DPP10: variants seen among roughly 807,000 people sequenced by gnomAD.
DPP10 encodes the protein inactive dipeptidyl peptidase 10.
DPP10 carries 33 observed loss-of-function variants against 120.9 expected under a neutral mutation model. That is an observed-to-expected ratio of 0.27 (90% confidence interval 0.21 to 0.37). The LOEUF (loss-of-function observed/expected upper bound fraction) is 0.37, where lower values mean the gene tolerates loss of function less well. Ranked by LOEUF, DPP10 falls within the 10% of genes least tolerant of loss-of-function variation. The pLI is 1.00. For synonymous variants in DPP10, 337 were observed against 326.1 expected, an observed-to-expected ratio of 1.03 and a Z score of -0.36; for missense variants, 816 against 942.8, an observed-to-expected ratio of 0.87 and a Z score of 1.76.
chr2:114,455,733 T>TTTA (rs1558773570), intron 1 of DPP10, among the ~76,000 whole-genome samples: 3 of 149,040 alleles, frequency 2.0e-5, no homozygotes, highest in African/African-American at 7.6e-5. Flanking sequence ...TCATTTGTTT[T>TTTA]TTTTTTTTTT....
intron 1 of DPP10, among the ~76,000 whole-genome samples, chr2:114,541,950 G>A (rs555118115): frequency 4.7e-4 from 72 of 151,594 alleles, no homozygotes; most frequent in Middle Eastern, 3.5e-3. Flanking sequence ...AAAAATGTAA[G>A]TGTAAAATAA....
intron 1 of DPP10, among the ~76,000 whole-genome samples, chr2:114,998,643 G>A (rs1701246864): frequency 1.3e-5 from 2 of 152,222 alleles, no homozygotes; most frequent in Non-Finnish European, 2.9e-5. Flanking sequence ...TACTCTAACT[G>A]AGTAATTTGG....
At chr2:114,462,036 A>G in intron 1 of DPP10, 1 of 985,382 alleles carries the variant, frequency 1.0e-6, no homozygotes. Context: ...CGCAGTTGAG[A>G]GAAAACTGGA....
At chr2:114,590,398 G>A (rs556642237) in intron 1 of DPP10, among the ~76,000 whole-genome samples, 1 of 152,238 alleles carries the variant, frequency 6.6e-6, no homozygotes, top group East Asian at 1.9e-4. Flanking sequence ...AATGACATGA[G>A]CAATTGCTTT....
intron 2 of DPP10, among the ~76,000 whole-genome samples, chr2:115,341,191 C>T (rs1352945168): frequency 6.6e-6 from 1 of 151,982 alleles, no homozygotes; most frequent in Non-Finnish European, 1.5e-5. Context: ...AATGTTCTTC[C>T]TCCTTCTCCT....
intron 1 of DPP10, among the ~76,000 whole-genome samples, chr2:114,845,961 G>A (rs1688517103): frequency 6.6e-6 from 1 of 151,948 alleles, no homozygotes; most frequent in Non-Finnish European, 1.5e-5. Context: ...TTTTCTTCCT[G>A]ACATCTTCCT....
At chr2:115,067,345 G>A (rs986458686) in intron 1 of DPP10, among the ~76,000 whole-genome samples, 26 of 151,512 alleles carry the variant, frequency 1.7e-4, no homozygotes, top group African/African-American at 5.3e-4. Flanking sequence ...TCCGCCTCCC[G>A]GGTTCCCGCC....
intron 1 of DPP10, among the ~76,000 whole-genome samples, chr2:115,113,146 A>G (rs970506449): frequency 6.7e-6 from 1 of 149,540 alleles, no homozygotes. Flanking sequence ...ATAACATGTA[A>G]TATTATATAT....
chr2:115,735,465 A>T (rs2093014110), intron 8 of DPP10, among the ~76,000 whole-genome samples: 2 of 151,800 alleles, frequency 1.3e-5, no homozygotes, highest in African/African-American at 4.8e-5. Context: ...AGGTTATTTA[A>T]CAGGTGGATC....
At chr2:114,687,817 T>A (rs1019205654) in intron 1 of DPP10, among the ~76,000 whole-genome samples, 1 of 151,964 alleles carries the variant, frequency 6.6e-6, no homozygotes, top group African/African-American at 2.4e-5. Context: ...TAGACTCGAG[T>A]TCAGGTACTA....
chr2:115,517,772 T>C (rs1019880493), intron 4 of DPP10, among the ~76,000 whole-genome samples: 18 of 152,192 alleles, frequency 1.2e-4, no homozygotes, highest in Admixed American at 7.9e-4. Flanking sequence ...ATAGAGTAGA[T>C]ATCTGTCTTA....
chr2:114,907,386 A>G (rs1355808438), intron 1 of DPP10, among the ~76,000 whole-genome samples: 1 of 152,002 alleles, frequency 6.6e-6, no homozygotes, highest in Non-Finnish European at 1.5e-5. Flanking sequence ...AGCAAGAAAA[A>G]TAACGCTATT....
intron 5 of DPP10, among the ~76,000 whole-genome samples, chr2:115,554,412 G>A (rs2080080079): frequency 1.3e-5 from 2 of 151,596 alleles, no homozygotes; most frequent in South Asian, 4.2e-4. Flanking sequence ...GGGTTTACAA[G>A]TACATCTGAA....
At chr2:115,164,958 C>A (rs1040285660) in intron 1 of DPP10, among the ~76,000 whole-genome samples, 1 of 152,158 alleles carries the variant, frequency 6.6e-6, no homozygotes, top group Non-Finnish European at 1.5e-5. Flanking sequence ...TCTTTGATTA[C>A]AAAATATTTA....
chr2:115,278,945 T>C (rs989939676), intron 1 of DPP10, among the ~76,000 whole-genome samples: 2 of 152,194 alleles, frequency 1.3e-5, no homozygotes, highest in Non-Finnish European at 2.9e-5. Context: ...TTTTAGCTTT[T>C]TTAGAGTTGT....
chr2:114,644,927 A>C (rs1696003995), intron 1 of DPP10, among the ~76,000 whole-genome samples: 1 of 151,932 alleles, frequency 6.6e-6, no homozygotes, highest in Non-Finnish European at 1.5e-5. Context: ...AGACTAGGCA[A>C]ACAAATACAC....
chr2:115,665,422 T>G (rs1158968727), intron 5 of DPP10, among the ~76,000 whole-genome samples: 5 of 152,168 alleles, frequency 3.3e-5, no homozygotes, highest in Non-Finnish European at 7.3e-5. Flanking sequence ...TCTGCCCAAT[T>G]CCAGAGATGT....
At chr2:115,332,543 C>T (rs538845966) in intron 2 of DPP10, among the ~76,000 whole-genome samples, 4 of 152,222 alleles carry the variant, frequency 2.6e-5, no homozygotes, top group African/African-American at 9.6e-5. Flanking sequence ...ATCTTTCCTT[C>T]TTTCTCTTGT....
intron 1 of DPP10, among the ~76,000 whole-genome samples, chr2:115,095,573 G>GTTTTT (rs747930952): frequency 1.5e-5 from 2 of 133,896 alleles, no homozygotes; most frequent in East Asian, 2.2e-4. Context: ...AATTCTGTTT[G>GTTTTT]GTTTTTTTTT....
Sources: allele counts gnomAD v4.1 joint callset (sites outside exome capture counted in the v4.1 genomes callset), GRCh38; gene constraint gnomAD v4.1.1; transcripts MANE v1.5; gene names NCBI Gene and HGNC (gene_info 2026-07-23, HGNC 2026-07-21).